Variants in COL11A2 observed in about 807,000 individuals in gnomAD.
COL11A2 encodes the protein collagen type XI alpha 2 chain.
In COL11A2, 116 loss-of-function variants were observed where a neutral mutation model predicts 273.4. The ratio of observed to expected loss-of-function variants is 0.42; its 90% CI spans 0.36 to 0.49. The LOEUF is 0.49. Ranked by LOEUF, COL11A2 falls within the 20% of genes least tolerant of loss-of-function variation. COL11A2 has a pLI of 0.00. For synonymous variants in COL11A2, 782 were observed against 864.2 expected (o/e 0.90, Z 1.67); for missense variants, 1,866 against 2,309.0 (o/e 0.81, Z 3.93).
In COL11A2 at chr6:33,181,115, T is replaced by C; in HGVS notation, c.1175A>G (p.Glu392Gly). The change falls in exon 9 of 66, where the codon GAA becomes GGA. Residue 392 changes from glutamate to glycine, a missense_variant. Coordinates refer to ENST00000341947, the MANE Select transcript of COL11A2 (RefSeq NM_080680.3). Reference sequence around the variant, plus strand: ...CCTGTGACCAGCATAACTTACAGGTTCCAACACTGCAGGCTCTCCTTTCTC... The same window carrying C: ...CCTGTGACCAGCATAACTTACAGGTCCCAACACTGCAGGCTCTCCTTTCTC... ...KGEKGEPAVL[E>G]PGMLVEGPPG... The C allele has an allele frequency of 6.2e-7, 1 of 1,614,110 alleles. No individual in the cohort carries two copies. The highest frequency in any genetic ancestry group is 1.1e-5 in the South Asian group (1 of 91,074).
At chr6:33,188,941 T>A (rs753336716) in intron 3 of COL11A2, 37 bp downstream of exon 3, 7 of 1,610,680 alleles carry the variant, frequency 4.3e-6, no homozygotes, top group Non-Finnish European at 5.9e-6. Flanking sequence ...CTCCTGAAAG[T>A]GTGGGCCAGG....
In COL11A2 at chr6:33,166,117, T is replaced by C. The variant is rs543054173; in HGVS notation, c.4428+54A>G. Reference sequence around the variant, plus strand: ...GGAGTCTATTTGTCCTGGAGAGACATCATCAAGTCCAGAGGGGGTGGAGCA... The same window carrying C: ...GGAGTCTATTTGTCCTGGAGAGACACCATCAAGTCCAGAGGGGGTGGAGCA... On this transcript the variant is annotated intron_variant, in intron 61 of 65. Coordinates refer to ENST00000341947, the MANE Select transcript of COL11A2 (RefSeq NM_080680.3). The surrounding 1 kb of genome is among the most constrained non-coding windows in gnomAD (Gnocchi z 4.8). The C allele has an allele frequency of 6.2e-6, 10 of 1,605,748 alleles. No individual in the cohort carries two copies. The East Asian group carries it at 2.0e-4, about 32-fold the overall frequency.
chr6:33,191,980 A>G (rs888279660), intron 1 of COL11A2, among the ~76,000 whole-genome samples, 179 bp downstream of exon 1: 6 of 152,166 alleles, frequency 3.9e-5, no homozygotes, highest in African/African-American at 1.2e-4. Context: ...AAGGACAAAG[A>G]GATTCCTACC....
chr6:33,186,641 C>A lies in COL11A2; in HGVS notation c.784G>T (p.Glu262Ter). The A allele has an allele frequency of 6.2e-7, 1 of 1,614,046 alleles. No homozygotes were observed. Among genetic ancestry groups the A allele is most frequent in the Non-Finnish European group, 8.5e-7 (1 of 1,180,008 alleles). ...PSRLHRPQNQ[E>*]PQSQPTESLY... is the part of the protein sequence containing the mutation. ...AGCTCCCTCACCTGGCTCTGGGGTT[C>A]CTGATTTTGTGGCCTGTGAAGTCTT... The change falls in exon 5 of 66, where the codon GAA (glutamate) becomes TAA (stop). Residue 262 changes from glutamate to a stop codon, truncating the protein, a stop_gained. Transcript: ENST00000341947. LOFTEE classifies it high-confidence loss of function.
rs1770913672 is a variant in COL11A2, at chr6:33,176,427, A to T, written c.2169+6T>A. On this transcript the variant is annotated splice_donor_region_variant and intron_variant, in intron 27 of 65. Coordinates refer to ENST00000341947, the MANE Select transcript of COL11A2 (RefSeq NM_080680.3). This position sits in a 1 kb window ranked among gnomAD's most constrained non-coding sequence, Gnocchi z 4.9. ...CCCTTTGTCTCCCAGCCTGGTGGTC[A>T]GTTACCTTGACCCCTCGAGGTCCTG... The T allele has an allele frequency of 1.9e-6, 3 of 1,612,434 alleles. No homozygotes were observed. Among genetic ancestry groups the T allele is most frequent in the Non-Finnish European group, 2.5e-6 (3 of 1,179,754 alleles).
upstream of COL11A2, among the ~76,000 whole-genome samples, chr6:33,193,045 G>A (rs898009386): frequency 6.6e-6 from 1 of 152,162 alleles, no homozygotes; most frequent in Admixed American, 6.5e-5. Flanking sequence ...AGGATAGTCA[G>A]GTCCAAGGAG....
chr6:33,171,821 C>T lies in COL11A2; in HGVS notation c.3043-1G>A, dbSNP rs1228157513. On this transcript the variant is annotated splice_acceptor_variant, in intron 41 of 65. Transcript: ENST00000341947. LOFTEE classifies it high-confidence loss of function. The stretch of plus-strand genomic sequence containing the variant: ...CTGCACCTCGTTCCCCAGGGGAGCC[C>T]TGAGAAAGCAGATGGTCAGACCCCC... 1.2e-6 allele frequency: 2 copies of T among 1,612,790 alleles called. No homozygotes were observed. The highest frequency in any genetic ancestry group is 2.2e-5 in the East Asian group (1 of 44,842).
intron 30 of COL11A2, 117 bp from the exon 31 acceptor site, chr6:33,174,697 A>AC (rs997468853): frequency 6.6e-6 from 6 of 911,226 alleles, no homozygotes; most frequent in Non-Finnish European, 1.1e-5. Flanking sequence ...CACCCCACAC[A>AC]CCCCAGCCTC....
rs553025178 is a variant in COL11A2, at chr6:33,189,060, G to A, written c.361C>T (p.Arg121Cys). The change falls in exon 3 of 66, where the codon CGC becomes TGC. Residue 121 changes from arginine (R) to cysteine (C), a missense_variant. Coordinates refer to ENST00000341947, the MANE Select transcript of COL11A2 (RefSeq NM_080680.3). This position sits in a 1 kb window ranked among gnomAD's most constrained non-coding sequence, Gnocchi z 5.6. ...CCAGTCTGGTCTTCATACAGGAAGC[G>A]GACAGGTCGGCCCAGCTCCAGGCCC... is the stretch of plus-strand genomic sequence containing the variant. ...QLGLELGRPVRFLYEDQTGRP... is the reference protein window; with the variant it reads ...QLGLELGRPVCFLYEDQTGRP... 3.5e-5 allele frequency: 56 copies of A among 1,614,194 alleles called. No individual in the cohort carries two copies. The South Asian group carries it at 4.2e-4, about 12-fold the overall frequency.
At position 33,169,789 on chromosome 6, in the gene COL11A2, G is replaced by A; in HGVS notation, c.3690+42C>T. ...AAAAGTGGAGGCAGGGTTGAGGCGG[G>A]TGACGGGGACTGGGGAGTAAGGCCT... On this transcript the variant is annotated intron_variant, in intron 50 of 65. Transcript: ENST00000341947. This position sits in a 1 kb window ranked among gnomAD's most constrained non-coding sequence, Gnocchi z 5.5. 1 of 1,612,686 alleles carries A rather than the reference G, an allele frequency of 6.2e-7. No individual in the cohort carries two copies. The highest frequency in any genetic ancestry group is 8.5e-7 in the Non-Finnish European group (1 of 1,178,742).
At chr6:33,192,102 G>A in intron 1 of COL11A2, 57 bp downstream of exon 1, 2 of 1,499,712 alleles carry the variant, frequency 1.3e-6, no homozygotes, top group Admixed American at 3.9e-5. Flanking sequence ...CCCCTTCCCA[G>A]AGACACTCAG....
rs1769921285 is a variant in COL11A2, at chr6:33,170,735, G to T, written c.3474+75C>A. 5.7e-6 allele frequency: 9 copies of T among 1,586,794 alleles called. No homozygotes were observed. In the East Asian group the frequency reaches 1.8e-4, roughly 32 times the overall value. The stretch of plus-strand genomic sequence containing the variant: ...GCCCTCCAGTCTGCATCGGCAGGCT[G>T]CTGGCAGAGTCTGGGGCAAAACATC... On this transcript the variant is annotated intron_variant, in intron 46 of 65. Transcript: ENST00000341947. This position sits in a 1 kb window ranked among gnomAD's most constrained non-coding sequence, Gnocchi z 4.3.
chr6:33,170,227 C>T lies in COL11A2; in HGVS notation c.3582+99G>A, dbSNP rs1769832519. On this transcript the variant is annotated intron_variant, in intron 48 of 65. Coordinates refer to ENST00000341947, the MANE Select transcript of COL11A2 (RefSeq NM_080680.3). The surrounding 1 kb of genome is among the most constrained non-coding windows in gnomAD (Gnocchi z 4.3). Reference sequence around the variant, plus strand: ...GGAGGCCTCCCGGGAGTAAGGGCTTCTCTTGGCCCCTGAGACGATACTAGA... The same window carrying T: ...GGAGGCCTCCCGGGAGTAAGGGCTTTTCTTGGCCCCTGAGACGATACTAGA... 3 of 1,570,764 alleles carry T rather than the reference C, an allele frequency of 1.9e-6. No homozygotes were observed. The highest frequency in any genetic ancestry group is 2.7e-5 in the African/African-American group (2 of 73,976).
Position 33,163,185 on chromosome 6 carries a change from C to T in COL11A2, c.*493G>A, listed in dbSNP as rs1768584222. ...AAGGTGGGAGGGAGGTGGGGTTCAG[C>T]CCTGAAACCCCCCTACACACAGTCA... On this transcript the variant is annotated 3_prime_UTR_variant, in exon 66 of 66. Transcript: ENST00000341947. The surrounding 1 kb of genome is among the most constrained non-coding windows in gnomAD (Gnocchi z 4.1). 1 of 169,038 alleles carries T rather than the reference C, an allele frequency of 5.9e-6. No homozygotes were observed. The highest frequency in any genetic ancestry group is 2.4e-5 in the African/African-American group (1 of 41,558). 10.5% of individuals were successfully genotyped at this position (169,038 alleles called of 1,614,324 possible).
chr6:33,172,993 G>A (rs1002818699), intron 38 of COL11A2, 67 bp downstream of exon 38: 17 of 1,542,856 alleles, frequency 1.1e-5, no homozygotes, highest in Non-Finnish European at 1.4e-5. Flanking sequence ...GCGTGTGACC[G>A]AGAGAAGAGG....
In COL11A2 at chr6:33,170,007, C is replaced by T; in HGVS notation, c.3636+40G>A. 6.2e-7 allele frequency: 1 copy of T among 1,613,200 alleles called. No individual in the cohort carries two copies. Reference sequence around the variant, plus strand: ...TTGGCAGAAATCCAACTCCCATCCCCCACTTCCATGACTGGTCCACTCACC... The same window carrying T: ...TTGGCAGAAATCCAACTCCCATCCCTCACTTCCATGACTGGTCCACTCACC... On this transcript the variant is annotated intron_variant, in intron 49 of 65. Coordinates refer to ENST00000341947, the MANE Select transcript of COL11A2 (RefSeq NM_080680.3). This position sits in a 1 kb window ranked among gnomAD's most constrained non-coding sequence, Gnocchi z 4.3.
rs751114866 is a variant in COL11A2, at chr6:33,169,024, A to T, written c.3799-16T>A. 6.2e-7 allele frequency: 1 copy of T among 1,601,864 alleles called. No individual in the cohort carries two copies. Among genetic ancestry groups the T allele is most frequent in the East Asian group, 2.2e-5 (1 of 44,762 alleles). On this transcript the variant is annotated splice_polypyrimidine_tract_variant and intron_variant, in intron 51 of 65. Transcript: ENST00000341947. This position sits in a 1 kb window ranked among gnomAD's most constrained non-coding sequence, Gnocchi z 5.5. ...CAACAGGACCCTGATCCAGATGGAG[A>T]ATAAGAGTCAGGGTCACAGCTCCCT... is the stretch of plus-strand genomic sequence containing the variant.
Position 33,189,114 on chromosome 6 carries a change from G to A in COL11A2, c.307C>T (p.Leu103Phe). 2 of 1,614,146 alleles carry A rather than the reference G, an allele frequency of 1.2e-6. No homozygotes were observed. The highest frequency in any genetic ancestry group is 1.7e-6 in the Non-Finnish European group (2 of 1,179,986). The change falls in exon 3 of 66, where the codon CTC (leucine) becomes TTC (phenylalanine). Residue 103 changes from leucine (L) to phenylalanine (F), a missense_variant. Coordinates refer to ENST00000341947, the MANE Select transcript of COL11A2 (RefSeq NM_080680.3). The surrounding 1 kb of genome is among the most constrained non-coding windows in gnomAD (Gnocchi z 5.6). ...RPGLQAPLLT[L>F]YSAQGVRQLG... ...TGTCGGACACCCTGGGCACTGTAGA[G>A]AGTCAGGAGGGGAGCTTGGAGACCA...
chr6:33,178,151 G>C lies in COL11A2; in HGVS notation c.1853C>G (p.Pro618Arg). The change falls in exon 21 of 66, where the codon CCT (proline) becomes CGT (arginine). Residue 618 changes from proline to arginine, a missense_variant. Coordinates refer to ENST00000341947, the MANE Select transcript of COL11A2 (RefSeq NM_080680.3). This position sits in a 1 kb window ranked among gnomAD's most constrained non-coding sequence, Gnocchi z 4.6. ...ACTTACAGGGGGTCCAGGAATACCAGGTGGGCCTTTGGGGCCAAGGAGACC... is the reference window on the plus strand; with the variant it reads ...ACTTACAGGGGGTCCAGGAATACCACGTGGGCCTTTGGGGCCAAGGAGACC... ...PRGLLGPKGPPGIPGPPGVRG... is the reference protein window; with the variant it reads ...PRGLLGPKGPRGIPGPPGVRG... 1 of 1,610,644 alleles carries C rather than the reference G, an allele frequency of 6.2e-7. No homozygotes were observed. Among genetic ancestry groups the C allele is most frequent in the Non-Finnish European group, 8.5e-7 (1 of 1,178,466 alleles).
Sources: allele counts gnomAD v4.1 joint callset (sites outside exome capture counted in the v4.1 genomes callset), GRCh38; gene constraint gnomAD v4.1.1; non-coding constraint Gnocchi (gnomAD v3.1); transcripts MANE v1.5; gene names NCBI Gene and HGNC (gene_info 2026-07-23, HGNC 2026-07-21).